The following SEC14L1 variants were observed in gnomAD, a reference collection of about 807,000 sequenced individuals.
The protein encoded by SEC14L1 is SEC14-like protein 1.
Under a neutral mutation model 85.3 loss-of-function variants are expected in SEC14L1, and 48 were observed. The ratio of observed to expected loss-of-function variants is 0.56; its 90% CI spans 0.45 to 0.72. The LOEUF (loss-of-function observed/expected upper bound fraction) is 0.72. SEC14L1 is among the 30% of genes least tolerant of loss of function. SEC14L1 has a pLI of 0.00. For synonymous variants in SEC14L1, 391 were observed against 355.5 expected (o/e 1.10, Z -1.12); for missense variants, 682 against 921.4 (o/e 0.74, Z 3.36).
At position 77,214,664 on chromosome 17, in the gene SEC14L1, C is replaced by CT; in HGVS notation, c.*642dup. On this transcript the variant is annotated 3_prime_UTR_variant, in exon 17 of 17. Coordinates refer to ENST00000436233, the MANE Select transcript of SEC14L1 (RefSeq NM_001143998.2). ...GCTCAGGAGGGGCTCTCAGGGACTC[C>CT]TGGTGACTCCAGGAAAATGCTGCCA... 1.0e-6 allele frequency: 1 copy of CT among 985,728 alleles called. No homozygotes were observed. The highest frequency in any genetic ancestry group is 1.2e-6 in the Non-Finnish European group (1 of 830,124). 61.1% of individuals were successfully genotyped at this position (985,728 alleles called of 1,614,324 possible).
chr17:77,192,734 C>A (rs993813900), intron 5 of SEC14L1, among the ~76,000 whole-genome samples: 1 of 151,730 alleles, frequency 6.6e-6, no homozygotes, highest in Admixed American at 6.6e-5. Context: ...ACAATCAGTT[C>A]ACTGCAGCCT....
At chr17:77,203,373 C>T (rs943692187) in intron 9 of SEC14L1, among the ~76,000 whole-genome samples, 197 bp from the exon 10 acceptor site, 13 of 152,180 alleles carry the variant, frequency 8.5e-5, no homozygotes, top group African/African-American at 2.9e-4. Flanking sequence ...TTATTTTTCT[C>T]GCTTACAGCT....
intron 13 of SEC14L1, among the ~76,000 whole-genome samples, chr17:77,207,975 A>G (rs917613628): frequency 2.6e-5 from 4 of 152,134 alleles, no homozygotes; most frequent in African/African-American, 7.2e-5. Flanking sequence ...AGTCCCAGTG[A>G]CTTGTTCCAT....
intron 8 of SEC14L1, among the ~76,000 whole-genome samples, chr17:77,199,775 C>T (rs535620452): frequency 6.6e-6 from 1 of 152,196 alleles, no homozygotes; most frequent in South Asian, 2.1e-4. Flanking sequence ...AAAGATTATT[C>T]AAACTGATAA....
chr17:77,137,934 G>C (rs1972843412), upstream of SEC14L1, among the ~76,000 whole-genome samples: 1 of 152,210 alleles, frequency 6.6e-6, no homozygotes, highest in Non-Finnish European at 1.5e-5. Flanking sequence ...AGAGCTGGCT[G>C]TGCAGGAGAT....
intron 2 of SEC14L1, among the ~76,000 whole-genome samples, chr17:77,090,505 TAA>T (rs34751442): frequency 0.024 from 2,982 of 125,262 alleles, 58 homozygotes; most frequent in Admixed American, 0.055. Context: ...TTTTAATTAT[TAA>T]AAAAAAAAAA....
chr17:77,195,699 G>T (rs1246214473), intron 7 of SEC14L1, among the ~76,000 whole-genome samples: 1 of 151,920 alleles, frequency 6.6e-6, no homozygotes, highest in South Asian at 2.1e-4. Flanking sequence ...TGTTGGCCAG[G>T]CTTGTCTTGA....
At chr17:77,133,623 C>T (rs1478286905) in intron 3 of SEC14L1, among the ~76,000 whole-genome samples, 1 of 152,102 alleles carries the variant, frequency 6.6e-6, no homozygotes, top group African/African-American at 2.4e-5. Context: ...CGACAACAGA[C>T]AGGTGAGGAG....
chr17:77,200,522 A>G lies in SEC14L1; in HGVS notation c.858A>G (p.Ala286=), dbSNP rs934501614. The G allele has an allele frequency of 1.2e-6, 2 of 1,614,068 alleles. No homozygotes were observed. Among genetic ancestry groups the G allele is most frequent in the Non-Finnish European group, 1.7e-6 (2 of 1,179,958 alleles). ...KDEHILRFLR[A]RDFNIDKARE... ...AGCATATTCTTCGGTTCCTCCGTGCACGGGATTTTAATATTGACAAAGCCA... is the reference window on the plus strand; with the variant it reads ...AGCATATTCTTCGGTTCCTCCGTGCGCGGGATTTTAATATTGACAAAGCCA... The change falls in exon 9 of 17, where the codon GCA becomes GCG. Residue 286 remains alanine, a synonymous_variant. Transcript: ENST00000436233.
chr17:77,102,000 A>G (rs921151055), intron 3 of SEC14L1, among the ~76,000 whole-genome samples: 11 of 152,232 alleles, frequency 7.2e-5, no homozygotes, highest in Non-Finnish European at 1.3e-4. Flanking sequence ...ATTAACATCC[A>G]AAGACCTCTT....
intron 2 of SEC14L1, among the ~76,000 whole-genome samples, chr17:77,091,614 T>C (rs1971519353): frequency 6.6e-6 from 1 of 152,188 alleles, no homozygotes; most frequent in Non-Finnish European, 1.5e-5. Flanking sequence ...AATAGTCACA[T>C]GTGGCTAGTG....
chr17:77,103,881 G>A (rs912035617), intron 3 of SEC14L1, among the ~76,000 whole-genome samples: 10 of 150,822 alleles, frequency 6.6e-5, no homozygotes, highest in East Asian at 4.0e-4. Context: ...AGGCGGCACC[G>A]GGCGGGGTCC....
intron 3 of SEC14L1, chr17:77,098,875 G>A (rs1971705403): frequency 6.6e-6 from 1 of 152,202 alleles, no homozygotes; most frequent in South Asian, 2.1e-4. Context: ...GAGTAGATAT[G>A]TGTGTTTCAT....
chr17:77,090,334 C>G (rs1251176148), intron 2 of SEC14L1, among the ~76,000 whole-genome samples: 3 of 151,220 alleles, frequency 2.0e-5, no homozygotes, highest in African/African-American at 7.3e-5. Flanking sequence ...AGTGAGTGCT[C>G]TGAAGGAAGG....
intron 3 of SEC14L1, among the ~76,000 whole-genome samples, chr17:77,169,338 G>T (rs1047376011): frequency 3.3e-5 from 5 of 152,124 alleles, no homozygotes; most frequent in African/African-American, 1.2e-4. Flanking sequence ...CTGACCTGCG[G>T]GGTCTTTAAC....
At chr17:77,108,907 C>T (rs1438446994) in intron 3 of SEC14L1, among the ~76,000 whole-genome samples, 1 of 151,520 alleles carries the variant, frequency 6.6e-6, no homozygotes, top group African/African-American at 2.4e-5. Flanking sequence ...ACTGCAACCT[C>T]TGCCTCCCGG....
At position 77,214,950 on chromosome 17, in the gene SEC14L1, A is replaced by G. The variant is rs1976965247; in HGVS notation, c.*927A>G. 1.0e-6 allele frequency: 1 copy of G among 985,394 alleles called. No homozygotes were observed. Among genetic ancestry groups the G allele is most frequent in the Non-Finnish European group, 1.2e-6 (1 of 829,960 alleles). 61.0% of individuals were successfully genotyped at this position (985,394 alleles called of 1,614,324 possible). A position where few individuals can be genotyped will look rare whatever the true frequency, so the allele number is the denominator to read the frequency against. On this transcript the variant is annotated 3_prime_UTR_variant, in exon 17 of 17. Coordinates refer to ENST00000436233, the MANE Select transcript of SEC14L1 (RefSeq NM_001143998.2). The stretch of plus-strand genomic sequence containing the variant: ...CAGCAAGTCGCATTTGCCACTTGAC[A>G]CTGTCCATGGGGTTTTATTAGTAGC...
In SEC14L1 at chr17:77,196,245, G is replaced by A. The variant is rs1163261354; in HGVS notation, c.753G>A (p.Leu251=). The A allele has an allele frequency of 6.2e-7, 1 of 1,614,030 alleles. No individual in the cohort carries two copies. Among genetic ancestry groups the A allele is most frequent in the Admixed American group, 1.7e-5 (1 of 59,998 alleles). ...ACATCAAGAGATACCTGGGCGATTT[G>A]ACTCCGCTGCAGGAGAGCTGCCTCA... The part of the protein sequence containing the change: ...ADYIKRYLGD[L]TPLQESCLIR... Residue 251 remains leucine (L), a synonymous_variant, in exon 8 of 17, where the codon TTG becomes TTA. Coordinates refer to ENST00000436233, the MANE Select transcript of SEC14L1 (RefSeq NM_001143998.2).
At chr17:77,196,635 G>T (rs1463945840) in intron 8 of SEC14L1, among the ~76,000 whole-genome samples, 2 of 152,330 alleles carry the variant, frequency 1.3e-5, no homozygotes, top group East Asian at 1.9e-4. Context: ...ATTTATCAGA[G>T]ATTAGAAATG....
Sources: allele counts gnomAD v4.1 joint callset (sites outside exome capture counted in the v4.1 genomes callset), GRCh38; gene constraint gnomAD v4.1.1; transcripts MANE v1.5; gene names NCBI Gene and HGNC (gene_info 2026-07-23, HGNC 2026-07-21).